The following IER3IP1 variants were observed in gnomAD, a reference collection of about 807,000 sequenced individuals.
IER3IP1 encodes the protein immediate early response 3 interacting protein 1.
Under a neutral mutation model 12.2 loss-of-function variants are expected in IER3IP1, and 16 were observed. The observed-to-expected ratio is 1.31, with a 90% CI of 0.89 to 1.99. IER3IP1 has a LOEUF of 1.99. Ranked by LOEUF, IER3IP1 falls within the 30% of genes most tolerant of loss-of-function variation. IER3IP1 has a pLI of 0.00. For synonymous variants in IER3IP1, 42 were observed against 40.0 expected (o/e 1.05, Z -0.19); for missense variants, 95 against 95.8 (o/e 0.99, Z 0.03).
intron 1 of IER3IP1, among the ~76,000 whole-genome samples, chr18:47,162,157 C>T (rs2063981920): frequency 6.6e-6 from 1 of 152,176 alleles, no homozygotes; most frequent in Non-Finnish European, 1.5e-5. Flanking sequence ...CCCCAACCCC[C>T]AGGCCACAGA....
chr18:47,174,160 C>T (rs572562463), intron 1 of IER3IP1, among the ~76,000 whole-genome samples: 57 of 152,296 alleles, frequency 3.7e-4, no homozygotes, highest in Non-Finnish European at 1.0e-4. Context: ...AACAGATGAA[C>T]TCTGGAAGAT....
At chr18:47,157,219 A>G (rs1199020097) in intron 2 of IER3IP1, 1 of 591,674 alleles carries the variant, frequency 1.7e-6, no homozygotes, top group Non-Finnish European at 3.0e-6. Context: ...TATGTATTAT[A>G]CTAAGCATTC....
At chr18:47,166,416 T>C (rs574925584) in intron 1 of IER3IP1, among the ~76,000 whole-genome samples, 55 of 152,088 alleles carry the variant, frequency 3.6e-4, no homozygotes, top group African/African-American at 1.3e-3. Context: ...ATGCCAGAGG[T>C]AGGTCTTAAC....
At position 47,155,700 on chromosome 18, in the gene IER3IP1, AT is replaced by A. The variant is rs2063956209; in HGVS notation, c.*476del. 6.6e-6 allele frequency: 1 copy of A among 152,644 alleles called. No homozygotes were observed. Among genetic ancestry groups the A allele is most frequent in the Non-Finnish European group, 1.5e-5 (1 of 68,356 alleles). The allele number at this position is 152,644 out of a possible 1,614,324, so 9.5% of individuals were successfully genotyped here. On this transcript the variant is annotated 3_prime_UTR_variant, in exon 3 of 3. Coordinates refer to ENST00000256433, the MANE Select transcript of IER3IP1 (RefSeq NM_016097.5). ...AATTAACCAAGGAGCTTAAAATAAA[AT>A]TATTCAAATTACCTATTTATCATTT...
chr18:47,164,421 C>G (rs1050924301), intron 1 of IER3IP1, among the ~76,000 whole-genome samples: 2 of 151,856 alleles, frequency 1.3e-5, no homozygotes, highest in Non-Finnish European at 2.9e-5. Flanking sequence ...TACCCTCCAA[C>G]TGCTATATAG....
At position 47,153,493 on chromosome 18, in the gene IER3IP1, G is replaced by A. The variant is rs1041089166; in HGVS notation, c.*2684C>T. On this transcript the variant is annotated 3_prime_UTR_variant, in exon 3 of 3. Transcript: ENST00000256433. ...ACGGGGGTTTGGCACAGATTATTTC[G>A]TTATCCAGGTGCTAAGCCTAGTACC... 1.1e-4 allele frequency: 17 copies of A among 151,508 alleles called. No individual in the cohort carries two copies. The highest frequency in any genetic ancestry group is 1.6e-4 in the Non-Finnish European group (11 of 67,958). The allele number at this position is 151,508 out of a possible 1,614,324, so 9.4% of individuals were successfully genotyped here. A position where few individuals can be genotyped will look rare whatever the true frequency, so the allele number is the denominator to read the frequency against.
At chr18:47,164,761 G>A (rs1445735048) in intron 1 of IER3IP1, among the ~76,000 whole-genome samples, 2 of 149,714 alleles carry the variant, frequency 1.3e-5, no homozygotes, top group Non-Finnish European at 2.9e-5. Context: ...CAGCCTGGGT[G>A]CCAGAGACCC....
At chr18:47,162,987 T>G (rs1374214568) in intron 1 of IER3IP1, among the ~76,000 whole-genome samples, 3 of 151,672 alleles carry the variant, frequency 2.0e-5, no homozygotes, top group Non-Finnish European at 4.4e-5. Context: ...GAAGGGAGAG[T>G]TTGAGAAGTA....
chr18:47,176,147 T>G, intron 1 of IER3IP1, 40 bp downstream of exon 1: 1 of 1,536,276 alleles, frequency 6.5e-7, no homozygotes, highest in Non-Finnish European at 8.8e-7. Context: ...CCCCGGGGAC[T>G]CCGCCGCCGC....
chr18:47,174,497 C>T (rs1375860974), intron 1 of IER3IP1, among the ~76,000 whole-genome samples: 2 of 152,086 alleles, frequency 1.3e-5, no homozygotes, highest in Non-Finnish European at 2.9e-5. Flanking sequence ...GGTGAAACCC[C>T]ATTTCTACTA....
chr18:47,164,873 G>A (rs2063991236), intron 1 of IER3IP1, among the ~76,000 whole-genome samples: 1 of 151,782 alleles, frequency 6.6e-6, no homozygotes, highest in South Asian at 2.1e-4. Context: ...TAAATGATAA[G>A]ACCAGTCAGC....
rs1393275795 is a variant in IER3IP1 at position 47,171,263 on chromosome 18, G to T, written c.91+4924C>A. On this transcript the variant is annotated intron_variant, in intron 1 of 2. Coordinates refer to ENST00000256433, the MANE Select transcript of IER3IP1 (RefSeq NM_016097.5). Reference sequence around the variant, plus strand: ...ATATAATCTCTTTTATAGGTTGCTAGATTTAGTCTGCCAGTATTTCGTTGA... The same window carrying T: ...ATATAATCTCTTTTATAGGTTGCTATATTTAGTCTGCCAGTATTTCGTTGA... Among the ~76,000 whole-genome samples, 3 of 152,144 alleles carry T rather than the reference G, an allele frequency of 2.0e-5. No individual in the cohort carries two copies. In the East Asian group the frequency reaches 5.8e-4, roughly 29 times the overall value.
At chr18:47,159,488 A>T (rs2063972671) in intron 1 of IER3IP1, among the ~76,000 whole-genome samples, 1 of 152,254 alleles carries the variant, frequency 6.6e-6, no homozygotes, top group Admixed American at 6.5e-5. Flanking sequence ...GCATAAAACA[A>T]ATTAGAACTC....
intron 1 of IER3IP1, among the ~76,000 whole-genome samples, chr18:47,170,959 C>T (rs922085714): frequency 5.9e-5 from 9 of 152,142 alleles, no homozygotes; most frequent in African/African-American, 1.9e-4. Flanking sequence ...TCTTATTCCA[C>T]ATCAGGGAAC....
At chr18:47,157,358 G>T in intron 2 of IER3IP1, 78 bp downstream of exon 2, 1 of 1,159,068 alleles carries the variant, frequency 8.6e-7, no homozygotes, top group Non-Finnish European at 1.3e-6. Context: ...TGGCATATAT[G>T]GTATTCACAC....
intron 1 of IER3IP1, among the ~76,000 whole-genome samples, chr18:47,164,414 C>A (rs1430780504): frequency 6.6e-6 from 1 of 151,962 alleles, no homozygotes; most frequent in African/African-American, 2.4e-5. Context: ...AATAGTTTAC[C>A]CTCCAACTGC....
chr18:47,160,871 G>A (rs2063977866), intron 1 of IER3IP1, among the ~76,000 whole-genome samples: 1 of 152,032 alleles, frequency 6.6e-6, no homozygotes. Flanking sequence ...TTGAGTTGAG[G>A]AATTTAGCCC....
Position 47,157,512 on chromosome 18 carries a change from A to G in IER3IP1, c.117T>C (p.Ile39=), listed in dbSNP as rs754658292. ...TTCCCGGCTCTTCTCCAAATCCACCAATTCCCTGGTCTGTTCCCCAGCCAA... is the reference window on the plus strand; with the variant it reads ...TTCCCGGCTCTTCTCCAAATCCACCGATTCCCTGGTCTGTTCCCCAGCCAA... The part of the protein sequence containing the change: ...KNIGWGTDQG[I]GGFGEEPGIK... Residue 39 remains isoleucine, a synonymous_variant, in exon 2 of 3, where the codon ATT becomes ATC. Transcript: ENST00000256433. The G allele has an allele frequency of 6.2e-7, 1 of 1,614,080 alleles. No individual in the cohort carries two copies. Among genetic ancestry groups the G allele is most frequent in the South Asian group, 1.1e-5 (1 of 91,080 alleles).
intron 1 of IER3IP1, among the ~76,000 whole-genome samples, chr18:47,173,188 C>A (rs779768285): frequency 1.3e-5 from 2 of 152,112 alleles, no homozygotes; most frequent in Non-Finnish European, 2.9e-5. Context: ...TATATCTTCA[C>A]CTTCTTACCT....
Sources: allele counts gnomAD v4.1 joint callset (sites outside exome capture counted in the v4.1 genomes callset), GRCh38; gene constraint gnomAD v4.1.1; transcripts MANE v1.5; gene names NCBI Gene and HGNC (gene_info 2026-07-23, HGNC 2026-07-21).